MLLT10: variants seen among roughly 807,000 people sequenced by gnomAD.
The protein encoded by MLLT10 is protein AF-10.
In MLLT10, 30 loss-of-function variants were observed where a neutral mutation model predicts 129.1. The observed-to-expected ratio is 0.23, with a 90% CI of 0.17 to 0.32. The LOEUF (loss-of-function observed/expected upper bound fraction) is 0.32. Ranked by LOEUF, MLLT10 falls within the 10% of genes least tolerant of loss-of-function variation. MLLT10 has a pLI of 1.00. For synonymous variants in MLLT10, 490 were observed against 446.4 expected (o/e 1.10, Z -1.23); for missense variants, 1,119 against 1,268.3 (o/e 0.88, Z 1.79).
At chr10:21,592,546 C>T (rs1022049697) in intron 4 of MLLT10, among the ~76,000 whole-genome samples, 1 of 152,046 alleles carries the variant, frequency 6.6e-6, no homozygotes, top group African/African-American at 2.4e-5. Context: ...GGCTCCACCC[C>T]CCGGGGTTCA....
At chr10:21,576,644 T>TG in intron 3 of MLLT10, among the ~76,000 whole-genome samples, 1 of 152,066 alleles carries the variant, frequency 6.6e-6, no homozygotes, top group African/African-American at 2.4e-5. Context: ...TTTTTTTTTT[T>TG]TTTGAGTTGG....
chr10:21,670,515 C>T lies in MLLT10; in HGVS notation c.862C>T (p.Arg288Ter). The T allele has an allele frequency of 1.2e-6, 2 of 1,614,044 alleles. No individual in the cohort carries two copies. Among genetic ancestry groups the T allele is most frequent in the Non-Finnish European group, 1.7e-6 (2 of 1,179,966 alleles). The stretch of plus-strand genomic sequence containing the variant: ...GAAGCGCTTGGAAGATACTACTGCA[C>T]GATTTACAAATGCAAATTTCCAGGA... ...SLKRLEDTTA[R>*]FTNANFQEVS... The change falls in exon 10 of 23, where the codon CGA becomes TGA. Residue 288 changes from arginine (R) to a stop codon, truncating the protein, a stop_gained. Coordinates refer to ENST00000307729, the MANE Select transcript of MLLT10 (RefSeq NM_001195626.3). LOFTEE classifies it high-confidence loss of function.
intron 3 of MLLT10, among the ~76,000 whole-genome samples, chr10:21,558,202 C>T (rs2038314838): frequency 6.6e-6 from 1 of 151,964 alleles, no homozygotes; most frequent in African/African-American, 2.4e-5. Flanking sequence ...CCACCCACCT[C>T]GACCTCCCAA....
intron 14 of MLLT10, among the ~76,000 whole-genome samples, chr10:21,714,421 A>C (rs1198792875): frequency 6.6e-6 from 1 of 152,230 alleles, no homozygotes; most frequent in Non-Finnish European, 1.5e-5. Flanking sequence ...TTTTCCTCCT[A>C]GTGGGAGAGA....
At chr10:21,695,950 GTTT>G (rs58949058) in intron 13 of MLLT10, among the ~76,000 whole-genome samples, 3 of 131,536 alleles carry the variant, frequency 2.3e-5, no homozygotes, top group Non-Finnish European at 3.3e-5. Context: ...TTGTGTGTGG[GTTT>G]TTTTTTTTTT....
chr10:21,647,796 T>C (rs2048641382), intron 8 of MLLT10, among the ~76,000 whole-genome samples: 1 of 152,120 alleles, frequency 6.6e-6, no homozygotes, highest in African/African-American at 2.4e-5. Context: ...ATTTTTAATT[T>C]TACCGTCTTC....
intron 9 of MLLT10, among the ~76,000 whole-genome samples, chr10:21,657,571 C>T (rs542662185): frequency 6.6e-6 from 1 of 152,144 alleles, no homozygotes; most frequent in South Asian, 2.1e-4. Context: ...AACACATTAC[C>T]TTTCATTATT....
chr10:21,740,322 C>T (rs1313726390), intron 22 of MLLT10, 86 bp downstream of exon 22: 5 of 1,435,608 alleles, frequency 3.5e-6, no homozygotes, highest in African/African-American at 2.8e-5. Flanking sequence ...TGGTTTTGTT[C>T]CCCTGATCAT....
At chr10:21,682,826 A>T (rs566909506) in intron 13 of MLLT10, among the ~76,000 whole-genome samples, 1 of 152,314 alleles carries the variant, frequency 6.6e-6, no homozygotes, top group African/African-American at 2.4e-5. Flanking sequence ...AATTATAGTG[A>T]AGATTATTCT....
At chr10:21,558,259 CT>C (rs1038980324) in intron 3 of MLLT10, among the ~76,000 whole-genome samples, 1 of 151,712 alleles carries the variant, frequency 6.6e-6, no homozygotes, top group Non-Finnish European at 1.5e-5. Context: ...CCTTATTTTT[CT>C]TTTTTTAATT....
At chr10:21,599,175 C>CTCACTCTG (rs1199668572) in intron 5 of MLLT10, among the ~76,000 whole-genome samples, 2 of 147,410 alleles carry the variant, frequency 1.4e-5, no homozygotes, top group Non-Finnish European at 3.0e-5. Context: ...GAGACTCCAT[C>CTCACTCTG]TCAAAAAAAA....
At chr10:21,707,483 G>T (rs547564272) in intron 13 of MLLT10, among the ~76,000 whole-genome samples, 1 of 152,240 alleles carries the variant, frequency 6.6e-6, no homozygotes, top group Non-Finnish European at 1.5e-5. Context: ...GAGCCACTGC[G>T]CCCGGCCAAG....
intron 4 of MLLT10, among the ~76,000 whole-genome samples, chr10:21,592,464 G>GTT (rs1268508885): frequency 7.2e-6 from 1 of 138,118 alleles, no homozygotes; most frequent in African/African-American, 2.7e-5. Flanking sequence ...GTTTGTTTTT[G>GTT]TTTTTTTTTG....
intron 13 of MLLT10, among the ~76,000 whole-genome samples, chr10:21,686,948 A>G (rs572060469): frequency 6.6e-6 from 1 of 152,290 alleles, no homozygotes; most frequent in African/African-American, 2.4e-5. Context: ...GCGCCACTGC[A>G]TTCCAGCCTA....
chr10:21,584,410 G>A lies in MLLT10; in HGVS notation c.241-1884G>A, dbSNP rs556757903. Among the ~76,000 whole-genome samples the A allele has an allele frequency of 3.0e-4, 45 of 151,702 alleles. No homozygotes were observed. The East Asian group carries it at 8.5e-3, about 29-fold the overall frequency. ...GATCTCTTGACCTCGTGATCCACCC[G>A]CCTTGGCCTCCCAAAGTGCTGGGAT... is the stretch of plus-strand genomic sequence containing the variant. On this transcript the variant is annotated intron_variant, in intron 3 of 22. Transcript: ENST00000307729.
At chr10:21,580,083 C>T (rs1490229529) in intron 3 of MLLT10, among the ~76,000 whole-genome samples, 1 of 145,998 alleles carries the variant, frequency 6.8e-6, no homozygotes, top group Non-Finnish European at 1.5e-5. Context: ...TGCAGTATTG[C>T]TATTATATTA....
chr10:21,548,513 G>A (rs893508274), intron 3 of MLLT10, among the ~76,000 whole-genome samples: 1 of 151,802 alleles, frequency 6.6e-6, no homozygotes, highest in Non-Finnish European at 1.5e-5. Flanking sequence ...GGGAATACAG[G>A]TGCCCGCCGC....
chr10:21,721,772 C>G (rs1215994002), intron 14 of MLLT10, among the ~76,000 whole-genome samples: 1 of 152,090 alleles, frequency 6.6e-6, no homozygotes, highest in Non-Finnish European at 1.5e-5. Context: ...TTCTTTAACT[C>G]AGACACCTGA....
intron 10 of MLLT10, among the ~76,000 whole-genome samples, chr10:21,671,749 C>T (rs1355965851): frequency 2.6e-5 from 4 of 152,156 alleles, no homozygotes; most frequent in Non-Finnish European, 4.4e-5. Context: ...TGCACTACTG[C>T]ACTTCAGCCT....
Sources: gnomAD v4.1 joint callset for allele counts (sites outside exome capture counted in the v4.1 genomes callset) on GRCh38, gnomAD v4.1.1 for gene constraint, MANE v1.5 for transcripts, NCBI Gene and HGNC (gene_info 2026-07-23, HGNC 2026-07-21) for gene names.